Variants in LAMC1 observed in about 807,000 individuals in gnomAD.
LAMC1 encodes laminin subunit gamma 1.
A neutral mutation model predicts 173.6 loss-of-function variants in LAMC1; 38 were observed. That is an observed-to-expected ratio of 0.22 (90% confidence interval 0.17 to 0.29). The LOEUF (loss-of-function observed/expected upper bound fraction) is 0.29, where lower values mean the gene tolerates loss of function less well. Among genes scored for constraint, LAMC1 ranks in the 10% least tolerant of loss-of-function variants. The pLI, the probability that LAMC1 is intolerant of heterozygous loss-of-function variation, is 1.00. For synonymous variants in LAMC1, 746 were observed against 749.1 expected (o/e 1.00, Z 0.07); for missense variants, 1,824 against 2,051.8 (o/e 0.89, Z 2.14).
At chr1:183,089,840 G>C (rs1201865909) in intron 1 of LAMC1, among the ~76,000 whole-genome samples, 1 of 152,086 alleles carries the variant, frequency 6.6e-6, no homozygotes, top group African/African-American at 2.4e-5. Flanking sequence ...TAGCCTCTTG[G>C]ACTAGGCCCC....
At chr1:183,105,791 G>T (rs1655964101) in intron 2 of LAMC1, among the ~76,000 whole-genome samples, 1 of 152,200 alleles carries the variant, frequency 6.6e-6, no homozygotes, top group African/African-American at 2.4e-5. Flanking sequence ...ATCTGACAAT[G>T]AGAGAGAACT....
At chr1:183,044,910 A>G (rs533475387) in intron 1 of LAMC1, among the ~76,000 whole-genome samples, 2 of 151,818 alleles carry the variant, frequency 1.3e-5, no homozygotes, top group South Asian at 4.2e-4. Context: ...AGTGTCATGA[A>G]GTTGGTGTCT....
chr1:183,140,567 T>C, intron 27 of LAMC1, 64 bp downstream of exon 27: 1 of 994,200 alleles, frequency 1.0e-6, no homozygotes, highest in Non-Finnish European at 1.5e-6. Context: ...TAGGATCTGA[T>C]ATAGTACAGT....
At chr1:183,105,433 A>T (rs74909565) in intron 2 of LAMC1, among the ~76,000 whole-genome samples, 3 of 36,832 alleles carry the variant, frequency 8.1e-5, no homozygotes, top group Non-Finnish European at 1.5e-4. Flanking sequence ...CAGTGTAGTC[A>T]GTAGAAAATG....
At chr1:183,047,752 A>G (rs1298190515) in intron 1 of LAMC1, among the ~76,000 whole-genome samples, 2 of 152,230 alleles carry the variant, frequency 1.3e-5, no homozygotes, top group Non-Finnish European at 2.9e-5. Context: ...ACAGTCCCAT[A>G]CAACAAAGAA....
intron 1 of LAMC1, among the ~76,000 whole-genome samples, chr1:183,080,331 T>C (rs1655238000): frequency 6.6e-6 from 1 of 152,248 alleles, no homozygotes; most frequent in Non-Finnish European, 1.5e-5. Flanking sequence ...CTAGGCTGTG[T>C]CCTTCATCAT....
chr1:183,080,647 G>GT lies in LAMC1; in HGVS notation c.419-22671dup, dbSNP rs142657721. On this transcript the variant is annotated intron_variant, in intron 1 of 27. Transcript: ENST00000258341. ...GGGATCAGAGGTTTTGTTTCTTCCT[G>GT]TTTTTTTTTTCCATACTCAGTAGCT... 3.7e-3 allele frequency among the ~76,000 whole-genome samples: 561 copies of GT among 150,076 alleles called. 3 individuals are homozygous for GT. Among genetic ancestry groups the GT allele is most frequent in the African/African-American group, 0.012 (508 of 40,734 alleles).
intron 1 of LAMC1, among the ~76,000 whole-genome samples, chr1:183,091,621 A>G (rs1655569331): frequency 6.6e-6 from 1 of 152,158 alleles, no homozygotes; most frequent in Admixed American, 6.5e-5. Context: ...AAATATTTCT[A>G]TGCTAGTCTG....
intron 26 of LAMC1, among the ~76,000 whole-genome samples, chr1:183,138,879 C>T (rs569914604): frequency 9.9e-5 from 15 of 152,146 alleles, no homozygotes; most frequent in Admixed American, 3.3e-4. Context: ...CATGGTGAAA[C>T]GCTATCTCTA....
chr1:183,037,061 C>T (rs1654003681), intron 1 of LAMC1, among the ~76,000 whole-genome samples: 2 of 152,240 alleles, frequency 1.3e-5, no homozygotes, highest in Non-Finnish European at 2.9e-5. Context: ...CAGGCGTGAG[C>T]CACCGCACCT....
intron 3 of LAMC1, among the ~76,000 whole-genome samples, chr1:183,109,134 C>T (rs1240904738): frequency 1.3e-5 from 2 of 152,140 alleles, no homozygotes; most frequent in African/African-American, 4.8e-5. Context: ...ACTTACCTCC[C>T]CTGTGTTAGA....
chr1:183,099,161 TCACTG>T (rs1162255368), intron 1 of LAMC1, among the ~76,000 whole-genome samples: 5 of 152,104 alleles, frequency 3.3e-5, no homozygotes, highest in Admixed American at 3.3e-4. Context: ...CGATCTCGGC[TCACTG>T]CAACCTCCGC....
intron 1 of LAMC1, among the ~76,000 whole-genome samples, chr1:183,065,869 A>G (rs1654862065): frequency 2.0e-5 from 3 of 152,232 alleles, no homozygotes; most frequent in African/African-American, 4.8e-5. Context: ...AATTCCAGCT[A>G]TGCCATTTAC....
At chr1:183,116,479 A>AAC (rs1008313145) in intron 6 of LAMC1, 98 bp from the exon 7 acceptor site, 2 of 858,314 alleles carry the variant, frequency 2.3e-6, no homozygotes, top group Non-Finnish European at 3.6e-6. Context: ...TCTGTCTCAA[A>AAC]AAAAAAAAAA....
At chr1:183,109,443 G>A (rs1656079805) in intron 3 of LAMC1, among the ~76,000 whole-genome samples, 1 of 152,212 alleles carries the variant, frequency 6.6e-6, no homozygotes, top group Non-Finnish European at 1.5e-5. Flanking sequence ...TATTGTGAAG[G>A]AAATGTTACC....
At chr1:183,139,474 A>T (rs1419963184) in intron 26 of LAMC1, among the ~76,000 whole-genome samples, 1 of 152,146 alleles carries the variant, frequency 6.6e-6, no homozygotes, top group East Asian at 1.9e-4. Context: ...CTCCTTTTAC[A>T]CTCGCAGACA....
intron 2 of LAMC1, among the ~76,000 whole-genome samples, chr1:183,104,650 A>G (rs1041570782): frequency 5.3e-5 from 8 of 152,250 alleles, no homozygotes; most frequent in African/African-American, 1.7e-4. Context: ...TCTCACCGTT[A>G]TTATGTTCAG....
intron 1 of LAMC1, among the ~76,000 whole-genome samples, chr1:183,066,245 A>G (rs113140267): frequency 0.032 from 4,874 of 152,300 alleles, 124 homozygotes; most frequent in Non-Finnish European, 0.05. Context: ...AAAAGAGACA[A>G]TTGACATTAT....
At chr1:183,104,681 T>C (rs776155387) in intron 2 of LAMC1, among the ~76,000 whole-genome samples, 1 of 152,242 alleles carries the variant, frequency 6.6e-6, no homozygotes, top group Non-Finnish European at 1.5e-5. Flanking sequence ...TCTAATTGTA[T>C]GGTTTTGGAC....
Sources: allele counts gnomAD v4.1 joint callset (sites outside exome capture counted in the v4.1 genomes callset), GRCh38; gene constraint gnomAD v4.1.1; transcripts MANE v1.5; gene names NCBI Gene and HGNC (gene_info 2026-07-23, HGNC 2026-07-21).